Variants in CCNY observed in about 807,000 individuals in gnomAD.
The protein encoded by CCNY is cyclin Y.
In CCNY, 19 loss-of-function variants were observed where a neutral mutation model predicts 42.8. That is an observed-to-expected ratio of 0.44 (90% CI 0.31 to 0.65). The LOEUF is 0.65. CCNY is among the 30% of genes least tolerant of loss of function. The pLI, the probability that CCNY is intolerant of heterozygous loss-of-function variation, is 0.07. For synonymous variants in CCNY, 165 were observed against 162.7 expected (o/e 1.01, Z -0.11); for missense variants, 370 against 437.3 (o/e 0.85, Z 1.37).
intron 1 of CCNY, among the ~76,000 whole-genome samples, chr10:35,357,164 G>A (rs975988623): frequency 2.0e-5 from 3 of 152,036 alleles, no homozygotes; most frequent in African/African-American, 7.2e-5. Flanking sequence ...AGAGAGAGCA[G>A]CCCCTGCTCC....
intron 1 of CCNY, among the ~76,000 whole-genome samples, chr10:35,364,854 G>C (rs899007810): frequency 6.6e-6 from 1 of 152,092 alleles, no homozygotes; most frequent in African/African-American, 2.4e-5. Context: ...AATCTGATTG[G>C]GAAATGGTTC....
At chr10:35,426,516 A>G (rs561654363) in intron 1 of CCNY, among the ~76,000 whole-genome samples, 6 of 152,364 alleles carry the variant, frequency 3.9e-5, no homozygotes, top group Admixed American at 1.3e-4. Flanking sequence ...GTTTAGGACA[A>G]TGACTTTGGG....
intron 7 of CCNY, among the ~76,000 whole-genome samples, chr10:35,539,008 A>G (rs185642344): frequency 1.1e-3 from 167 of 152,328 alleles, no homozygotes; most frequent in African/African-American, 3.9e-3. Context: ...CAGTTGTCCC[A>G]GTGCCTTTAT....
In CCNY at chr10:35,276,035, T is replaced by G. The variant is rs1192075535; in HGVS notation, c.-9+25409T>G. 2.0e-5 allele frequency among the ~76,000 whole-genome samples: 3 copies of G among 152,332 alleles called. No individual in the cohort carries two copies. The East Asian group carries it at 5.8e-4, about 29-fold the overall frequency. On this transcript the variant is annotated intron_variant, in intron 3 of 11. Transcript: ENST00000374706. ...CAGCCATAGTTCTTTGCAGAAGGACTGGGGAATCACTGCTAAATACATTTG... is the reference window on the plus strand; with the variant it reads ...CAGCCATAGTTCTTTGCAGAAGGACGGGGGAATCACTGCTAAATACATTTG...
intron 1 of CCNY, among the ~76,000 whole-genome samples, chr10:35,401,172 T>C (rs1296118173): frequency 6.6e-6 from 1 of 152,250 alleles, no homozygotes; most frequent in Non-Finnish European, 1.5e-5. Flanking sequence ...CTTAGAATTG[T>C]TGGACTCTAC....
chr10:35,488,355 T>G (rs1839828452), intron 2 of CCNY, among the ~76,000 whole-genome samples: 1 of 152,216 alleles, frequency 6.6e-6, no homozygotes, highest in Non-Finnish European at 1.5e-5. Flanking sequence ...ACCCTTTTTG[T>G]CCTCCTCTTA....
chr10:35,376,969 T>A (rs1837066043), intron 1 of CCNY, among the ~76,000 whole-genome samples: 1 of 152,126 alleles, frequency 6.6e-6, no homozygotes, highest in South Asian at 2.1e-4. Context: ...TGGAATTACA[T>A]AGCAGTGATG....
chr10:35,461,769 T>TGG (rs1228056533), intron 1 of CCNY, among the ~76,000 whole-genome samples: 1 of 152,212 alleles, frequency 6.6e-6, no homozygotes, highest in Non-Finnish European at 1.5e-5. Context: ...TGGCAAAGTA[T>TGG]GGGCCCTTGG....
At chr10:35,397,338 T>C (rs1407646008) in intron 1 of CCNY, among the ~76,000 whole-genome samples, 1 of 152,210 alleles carries the variant, frequency 6.6e-6, no homozygotes, top group Non-Finnish European at 1.5e-5. Context: ...TCCACTAAGT[T>C]CCCTAACCTT....
intron 3 of CCNY, among the ~76,000 whole-genome samples, chr10:35,283,950 G>T (rs1051893510): frequency 2.6e-5 from 4 of 152,026 alleles, no homozygotes; most frequent in Admixed American, 1.3e-4. Context: ...CGGGCTTGGT[G>T]GCACATACCT....
intron 1 of CCNY, among the ~76,000 whole-genome samples, chr10:35,403,075 T>C (rs1837677762): frequency 7.2e-6 from 1 of 138,594 alleles, no homozygotes; most frequent in South Asian, 2.6e-4. Flanking sequence ...TAAAGTCAAT[T>C]TGCCAGTCCT....
intron 1 of CCNY, among the ~76,000 whole-genome samples, chr10:35,477,336 A>G (rs1319647128): frequency 6.0e-4 from 91 of 151,638 alleles, no homozygotes; most frequent in Non-Finnish European, 1.1e-3. Context: ...CACAACCAAA[A>G]AAGAGAATTT....
At chr10:35,357,002 T>C (rs1442058596) in intron 1 of CCNY, among the ~76,000 whole-genome samples, 2 of 152,212 alleles carry the variant, frequency 1.3e-5, no homozygotes, top group Middle Eastern at 3.2e-3. Context: ...CCAGTGTTTT[T>C]CAAGCTTCCA....
chr10:35,522,614 T>C (rs1408196701), intron 4 of CCNY, among the ~76,000 whole-genome samples: 2 of 152,134 alleles, frequency 1.3e-5, no homozygotes, highest in Non-Finnish European at 2.9e-5. Context: ...TAACAGCAGC[T>C]ACTCCAAAAC....
At chr10:35,558,273 G>A (rs976507015) in intron 8 of CCNY, among the ~76,000 whole-genome samples, 7 of 152,264 alleles carry the variant, frequency 4.6e-5, no homozygotes, top group African/African-American at 1.7e-4. Context: ...TCCCTTCCAG[G>A]GTAGGAGAAG....
intron 5 of CCNY, 84 bp from the exon 6 acceptor site, chr10:35,529,889 C>A: frequency 6.4e-6 from 8 of 1,245,658 alleles, no homozygotes; most frequent in South Asian, 1.3e-5. Context: ...AAAAAAAAGT[C>A]ATTGAATTAA....
At chr10:35,490,343 T>G (rs1416130586) in intron 2 of CCNY, among the ~76,000 whole-genome samples, 1 of 151,942 alleles carries the variant, frequency 6.6e-6, no homozygotes, top group Non-Finnish European at 1.5e-5. Context: ...TCACACCTGT[T>G]TCTTAGAATC....
At chr10:35,524,349 T>C (rs763806956) in intron 4 of CCNY, among the ~76,000 whole-genome samples, 3 of 152,244 alleles carry the variant, frequency 2.0e-5, no homozygotes, top group Admixed American at 1.3e-4. Flanking sequence ...TTAGCACTTA[T>C]TTGCTCATGA....
intron 3 of CCNY, among the ~76,000 whole-genome samples, chr10:35,259,694 T>TC (rs71033388): frequency 1.4e-5 from 2 of 146,250 alleles, no homozygotes; most frequent in Non-Finnish European, 3.0e-5. Context: ...TTTTTTTTTT[T>TC]AGAGACGAGG....
Sources: gnomAD v4.1 joint callset for allele counts (sites outside exome capture counted in the v4.1 genomes callset) on GRCh38, gnomAD v4.1.1 for gene constraint, MANE v1.5 for transcripts, NCBI Gene and HGNC (gene_info 2026-07-23, HGNC 2026-07-21) for gene names.